The following CNTNAP5 variants were observed in gnomAD, a reference collection of about 807,000 sequenced individuals.
CNTNAP5 encodes contactin-associated protein-like 5.
CNTNAP5 carries 72 observed loss-of-function variants against 150.2 expected under a neutral mutation model. The ratio of observed to expected loss-of-function variants is 0.48; its 90% CI spans 0.40 to 0.58. CNTNAP5 has a LOEUF of 0.58. Among genes scored for constraint, CNTNAP5 ranks in the 20% least tolerant of loss-of-function variants. The probability of loss-of-function intolerance (pLI) is 0.00; values close to 1 mark genes in which losing one functional copy is unlikely to be tolerated. For missense variants in CNTNAP5, 1,636 were observed against 1,626.2 expected (o/e 1.01, Z -0.10); for synonymous variants, 672 against 619.8 (o/e 1.08, Z -1.25).
intron 6 of CNTNAP5, among the ~76,000 whole-genome samples, chr2:124,472,745 A>G (rs184128528): frequency 7.5e-4 from 114 of 151,984 alleles, no homozygotes; most frequent in African/African-American, 2.4e-3. Context: ...TAAGTGTGCA[A>G]TAATCACATT....
chr2:124,475,427 T>G (rs1333733190), intron 7 of CNTNAP5, among the ~76,000 whole-genome samples: 1 of 152,096 alleles, frequency 6.6e-6, no homozygotes, highest in Non-Finnish European at 1.5e-5. Context: ...TGTTTTCTTT[T>G]TACTACTGCA....
chr2:124,700,029 T>TA (rs1421319836), intron 13 of CNTNAP5, among the ~76,000 whole-genome samples: 3 of 152,144 alleles, frequency 2.0e-5, no homozygotes, highest in Non-Finnish European at 4.4e-5. Context: ...CTCTAAGCCT[T>TA]TGGCAACCAT....
At chr2:124,534,065 CA>C (rs1272963847) in intron 10 of CNTNAP5, among the ~76,000 whole-genome samples, 2 of 152,024 alleles carry the variant, frequency 1.3e-5, no homozygotes, top group Non-Finnish European at 2.9e-5. Context: ...AAGTGAGATA[CA>C]AGGAGATAAA....
chr2:124,137,333 T>A (rs1045349045), intron 1 of CNTNAP5, among the ~76,000 whole-genome samples: 8 of 151,694 alleles, frequency 5.3e-5, no homozygotes. Flanking sequence ...TCCATGTTAA[T>A]CCAAACTTTA....
intron 3 of CNTNAP5, among the ~76,000 whole-genome samples, chr2:124,287,997 T>G (rs974715246): frequency 6.6e-6 from 1 of 152,184 alleles, no homozygotes; most frequent in African/African-American, 2.4e-5. Context: ...TAACGCAACC[T>G]TGGCTCACTG....
intron 13 of CNTNAP5, among the ~76,000 whole-genome samples, chr2:124,712,773 G>A (rs1307102256): frequency 2.0e-5 from 3 of 151,742 alleles, no homozygotes; most frequent in Non-Finnish European, 4.4e-5. Flanking sequence ...TAAGAGACAG[G>A]GTCTTGCTCT....
intron 13 of CNTNAP5, among the ~76,000 whole-genome samples, chr2:124,655,945 G>GAAAGAAAGAAAGAAAGAA (rs1553427799): frequency 1.7e-3 from 94 of 55,506 alleles, no homozygotes; most frequent in African/African-American, 3.7e-3. Context: ...GAGAGAGAGA[G>GAAAGAAAGAAAGAAAGAA]AGAAAGAAAG....
intron 1 of CNTNAP5, among the ~76,000 whole-genome samples, chr2:124,090,953 A>G (rs947877282): frequency 1.3e-5 from 2 of 152,228 alleles, no homozygotes; most frequent in Non-Finnish European, 2.9e-5. Flanking sequence ...GTAAGTGTTT[A>G]ATAAGTGTGT....
At chr2:124,326,041 T>A (rs1476923575) in intron 3 of CNTNAP5, among the ~76,000 whole-genome samples, 1 of 151,972 alleles carries the variant, frequency 6.6e-6, no homozygotes, top group Non-Finnish European at 1.5e-5. Context: ...GGAGGATAAA[T>A]GAAGATAACA....
chr2:124,556,295 A>G (rs1695754347), intron 10 of CNTNAP5, among the ~76,000 whole-genome samples: 1 of 152,180 alleles, frequency 6.6e-6, no homozygotes, highest in South Asian at 2.1e-4. Flanking sequence ...AGGGGAAATA[A>G]TACCATTAAA....
At chr2:124,762,835 G>A (rs1680986642) in intron 14 of CNTNAP5, among the ~76,000 whole-genome samples, 1 of 152,076 alleles carries the variant, frequency 6.6e-6, no homozygotes, top group African/African-American at 2.4e-5. Flanking sequence ...CTGAGCCTCA[G>A]TTTCCTCATT....
At chr2:124,882,932 A>C (rs1398379090) in intron 21 of CNTNAP5, among the ~76,000 whole-genome samples, 3 of 152,016 alleles carry the variant, frequency 2.0e-5, no homozygotes. Context: ...TCACTATCAC[A>C]AGAACAGGAT....
rs974999689 is a variant in CNTNAP5 at position 124,770,092 on chromosome 2, A to T, written c.2534-2707A>T. On this transcript the variant is annotated intron_variant, in intron 16 of 23. Transcript: ENST00000682447. ...ATAAAGTTAAATAATAATAATTTTAAAGACTTTGCAAGGACCCTAATAACT... is the reference window on the plus strand; with the variant it reads ...ATAAAGTTAAATAATAATAATTTTATAGACTTTGCAAGGACCCTAATAACT... Among the ~76,000 whole-genome samples, 11 of 152,326 alleles carry T rather than the reference A, an allele frequency of 7.2e-5. No homozygotes were observed. In the East Asian group the frequency reaches 2.1e-3, roughly 29 times the overall value.
intron 12 of CNTNAP5, among the ~76,000 whole-genome samples, chr2:124,618,567 C>T (rs1040143840): frequency 7.9e-5 from 12 of 152,114 alleles, no homozygotes; most frequent in Non-Finnish European, 1.3e-4. Flanking sequence ...CTCAGTCTCT[C>T]GTTGCTCCTT....
chr2:124,715,473 C>T (rs1365982713), intron 13 of CNTNAP5, among the ~76,000 whole-genome samples: 2 of 152,194 alleles, frequency 1.3e-5, no homozygotes, highest in Non-Finnish European at 2.9e-5. Flanking sequence ...ACCATGTTCC[C>T]ACTGAGGCTG....
intron 22 of CNTNAP5, among the ~76,000 whole-genome samples, chr2:124,906,611 G>T (rs1203355734): frequency 1.3e-5 from 2 of 152,118 alleles, no homozygotes; most frequent in African/African-American, 4.8e-5. Context: ...GAAATATATT[G>T]AGAAACACGC....
At chr2:124,634,281 A>G (rs7599787) in intron 12 of CNTNAP5, among the ~76,000 whole-genome samples, 65,111 of 152,014 alleles carry the variant, frequency 0.43, 15,824 homozygotes, top group Non-Finnish European at 0.56. Context: ...CATGCTGTTA[A>G]AAGCAAGCAG....
chr2:124,650,620 G>A (rs1178687453), intron 13 of CNTNAP5, among the ~76,000 whole-genome samples: 1 of 152,172 alleles, frequency 6.6e-6, no homozygotes, highest in Non-Finnish European at 1.5e-5. Flanking sequence ...TCTGGAAGAA[G>A]TTTGTGCAAG....
chr2:124,136,901 G>T (rs999937280), intron 1 of CNTNAP5, among the ~76,000 whole-genome samples: 1 of 152,202 alleles, frequency 6.6e-6, no homozygotes, highest in Non-Finnish European at 1.5e-5. Context: ...TTTTGTCATT[G>T]TATATGCAGT....
Sources: allele counts gnomAD v4.1 joint callset (sites outside exome capture counted in the v4.1 genomes callset), GRCh38; gene constraint gnomAD v4.1.1; transcripts MANE v1.5; gene names NCBI Gene and HGNC (gene_info 2026-07-23, HGNC 2026-07-21).